Variants in SUPT3H observed in about 807,000 individuals in gnomAD.
SUPT3H encodes the protein transcription initiation protein SPT3 homolog.
A neutral mutation model predicts 44.3 loss-of-function variants in SUPT3H; 44 were observed. That is an observed-to-expected ratio of 0.99 (90% CI 0.78 to 1.28). The LOEUF is 1.28. Among genes scored for constraint, SUPT3H ranks in the 50% most tolerant of loss-of-function variants. The pLI is 0.00. For missense variants in SUPT3H, 380 were observed against 387.1 expected (o/e 0.98, Z 0.15); for synonymous variants, 124 against 125.6 (o/e 0.99, Z 0.09).
At chr6:45,198,182 A>C (rs372030377) in intron 2 of SUPT3H, among the ~76,000 whole-genome samples, 74 of 150,946 alleles carry the variant, frequency 4.9e-4, no homozygotes, top group African/African-American at 1.7e-3. Context: ...AAAGCCAGGC[A>C]GGAACAAAAA....
chr6:44,952,024 G>A (rs903031106), intron 9 of SUPT3H, among the ~76,000 whole-genome samples: 5 of 152,158 alleles, frequency 3.3e-5, no homozygotes, highest in African/African-American at 1.2e-4. Flanking sequence ...TATGTTGACT[G>A]ATAATGATGT....
At chr6:45,229,708 T>C (rs1298370329) in intron 2 of SUPT3H, among the ~76,000 whole-genome samples, 2 of 152,166 alleles carry the variant, frequency 1.3e-5, no homozygotes, top group Non-Finnish European at 2.9e-5. Flanking sequence ...CTTTTATTAA[T>C]ACATAATAAT....
chr6:44,907,000 G>A (rs1217633433), intron 10 of SUPT3H, among the ~76,000 whole-genome samples: 3 of 152,112 alleles, frequency 2.0e-5, no homozygotes, highest in Admixed American at 6.5e-5. Context: ...AGTGATTAAC[G>A]TCATTGTTTT....
At chr6:44,890,906 A>G (rs1032452710) in intron 10 of SUPT3H, among the ~76,000 whole-genome samples, 19 of 150,396 alleles carry the variant, frequency 1.3e-4, no homozygotes, top group Non-Finnish European at 2.4e-4. Context: ...AGAAAACCAA[A>G]CACTGCAAGT....
At chr6:45,057,659 G>A (rs1352373389) in intron 3 of SUPT3H, among the ~76,000 whole-genome samples, 2 of 152,086 alleles carry the variant, frequency 1.3e-5, no homozygotes, top group African/African-American at 4.8e-5. Flanking sequence ...GTGTCTCATT[G>A]AGACAAAACA....
chr6:44,886,529 T>C (rs1762322326), intron 10 of SUPT3H, among the ~76,000 whole-genome samples: 1 of 152,076 alleles, frequency 6.6e-6, no homozygotes, highest in Non-Finnish European at 1.5e-5. Context: ...GCTTCAGAAG[T>C]GAAGGAGAAA....
At chr6:44,983,239 T>C (rs1469545234) in intron 6 of SUPT3H, among the ~76,000 whole-genome samples, 3 of 152,144 alleles carry the variant, frequency 2.0e-5, no homozygotes, top group African/African-American at 7.2e-5. Flanking sequence ...TTTTCCACTA[T>C]ATTAGTCTAT....
intron 10 of SUPT3H, among the ~76,000 whole-genome samples, chr6:44,920,934 T>A (rs754479199): frequency 1.3e-5 from 2 of 152,232 alleles, no homozygotes; most frequent in East Asian, 3.9e-4. Context: ...CTCTGTTTTA[T>A]AAAGTCAAAT....
intron 3 of SUPT3H, among the ~76,000 whole-genome samples, chr6:45,054,406 A>T (rs1790799596): frequency 6.6e-6 from 1 of 152,160 alleles, no homozygotes. Context: ...ATTAGATCAT[A>T]TCTCTCTTTA....
intron 10 of SUPT3H, among the ~76,000 whole-genome samples, chr6:44,870,963 G>A (rs1270947588): frequency 1.3e-5 from 2 of 151,482 alleles, no homozygotes; most frequent in African/African-American, 2.4e-5. Flanking sequence ...GGCGCACCAC[G>A]AGACTATATC....
intron 2 of SUPT3H, chr6:45,322,953 AT>A (rs778796385): frequency 6.2e-7 from 1 of 1,607,982 alleles, no homozygotes; most frequent in African/African-American, 1.3e-5. Flanking sequence ...TACAGCTGTT[AT>A]TGATAAGCAG....
intron 3 of SUPT3H, among the ~76,000 whole-genome samples, chr6:45,072,507 A>C (rs1477704992): frequency 6.6e-6 from 1 of 152,096 alleles, no homozygotes; most frequent in Non-Finnish European, 1.5e-5. Context: ...AAAACAAAAA[A>C]CTAGACCTTG....
intron 10 of SUPT3H, among the ~76,000 whole-genome samples, chr6:44,894,669 T>C (rs538741166): frequency 2.6e-5 from 4 of 152,220 alleles, no homozygotes; most frequent in African/African-American, 9.6e-5. Context: ...GCCTCCAGCT[T>C]TGTTCTTTTG....
At chr6:45,194,848 G>T (rs1815749583) in intron 2 of SUPT3H, among the ~76,000 whole-genome samples, 1 of 152,044 alleles carries the variant, frequency 6.6e-6, no homozygotes, top group African/African-American at 2.4e-5. Context: ...TCTAATCTCA[G>T]AATGCTTAGC....
chr6:44,934,978 TTAAAA>T (rs1184526214), intron 9 of SUPT3H, among the ~76,000 whole-genome samples: 2 of 152,202 alleles, frequency 1.3e-5, no homozygotes, highest in African/African-American at 4.8e-5. Context: ...TTAAATTATA[TTAAAA>T]TAAAAACATT....
intron 2 of SUPT3H, among the ~76,000 whole-genome samples, chr6:45,237,635 T>G (rs1008689572): frequency 1.3e-5 from 2 of 152,178 alleles, no homozygotes; most frequent in African/African-American, 2.4e-5. Context: ...CAGCCATTGT[T>G]AAGCCTCCAG....
At position 45,111,556 on chromosome 6, in the gene SUPT3H, A is replaced by G. The variant is rs1294107005; in HGVS notation, c.102-5550T>C. Among the ~76,000 whole-genome samples the G allele has an allele frequency of 2.0e-5, 3 of 147,688 alleles. No homozygotes were observed. The East Asian group carries it at 6.2e-4, about 31-fold the overall frequency. ...CCCCCCCGCAAAAAAAACAAGCAAG[A>G]AAACAGTTTCATTTGTTAAGGGAAT... is the stretch of plus-strand genomic sequence containing the variant. On this transcript the variant is annotated intron_variant, in intron 2 of 10. Coordinates refer to ENST00000371459, the MANE Select transcript of SUPT3H (RefSeq NM_003599.4).
intron 2 of SUPT3H, among the ~76,000 whole-genome samples, chr6:45,350,980 G>C (rs1791887808): frequency 6.6e-6 from 1 of 152,106 alleles, no homozygotes; most frequent in African/African-American, 2.4e-5. Flanking sequence ...CGACCCTATA[G>C]TGAACTGCAC....
At chr6:44,938,024 C>G (rs1771771323) in intron 9 of SUPT3H, among the ~76,000 whole-genome samples, 2 of 149,768 alleles carry the variant, frequency 1.3e-5, no homozygotes, top group Admixed American at 1.3e-4. Flanking sequence ...ATTCTCCTGC[C>G]TCAGCCTCCT....
Sources: allele counts gnomAD v4.1 joint callset (sites outside exome capture counted in the v4.1 genomes callset), GRCh38; gene constraint gnomAD v4.1.1; transcripts MANE v1.5; gene names NCBI Gene and HGNC (gene_info 2026-07-23, HGNC 2026-07-21).